The following SBF2 variants were observed in gnomAD, a reference collection of about 807,000 sequenced individuals.
SBF2 encodes myotubularin-related protein 13.
Under a neutral mutation model 225.2 loss-of-function variants are expected in SBF2, and 112 were observed. The observed-to-expected ratio is 0.50, with a 90% CI of 0.43 to 0.58. The LOEUF is 0.58. Among genes scored for constraint, SBF2 ranks in the 20% least tolerant of loss-of-function variants. The pLI is 0.00. For missense variants in SBF2, 1,996 were observed against 2,206.2 expected (o/e 0.90, Z 1.91); for synonymous variants, 763 against 773.3 (o/e 0.99, Z 0.22).
rs530517121 is a variant in SBF2, at chr11:9,783,876, G to A, written c.5319+475C>T. 2.6e-5 allele frequency among the ~76,000 whole-genome samples: 4 copies of A among 152,214 alleles called. No individual in the cohort carries two copies. The South Asian group carries it at 6.2e-4, about 24-fold the overall frequency. ...AGCAGTGGGCACAGAGGTGGTGTTCGATAAATGTTTGTAGAATAAATTAAT... is the reference window on the plus strand; with the variant it reads ...AGCAGTGGGCACAGAGGTGGTGTTCAATAAATGTTTGTAGAATAAATTAAT... On this transcript the variant is annotated intron_variant, in intron 38 of 39. Coordinates refer to ENST00000256190, the MANE Select transcript of SBF2 (RefSeq NM_030962.4).
At chr11:9,802,991 A>G (rs1487442377) in intron 32 of SBF2, among the ~76,000 whole-genome samples, 2 of 152,176 alleles carry the variant, frequency 1.3e-5, no homozygotes, top group Non-Finnish European at 2.9e-5. Context: ...TGAAAGGAGG[A>G]TTCAGGCAAA....
At chr11:10,199,206 G>C (rs75705809) in intron 1 of SBF2, among the ~76,000 whole-genome samples, 2 of 152,300 alleles carry the variant, frequency 1.3e-5, no homozygotes, top group East Asian at 1.9e-4. Flanking sequence ...TCAAGGAATA[G>C]AGAGGCCTGA....
rs1457364719 is a variant in SBF2, at chr11:9,962,223, T to C, written c.1711-117A>G. 10 of 889,890 alleles carry C rather than the reference T, an allele frequency of 1.1e-5. No individual in the cohort carries two copies. The East Asian group carries it at 1.6e-4, about 14-fold the overall frequency. The allele number at this position is 889,890 out of a possible 1,614,324, so 55.1% of individuals were successfully genotyped here. On this transcript the variant is annotated intron_variant, in intron 15 of 39. Transcript: ENST00000256190. ...ATAATTTATTTAACATAGTTATTAG[T>C]AAAATTAAACTCCTAGGGAATAGGT...
chr11:10,277,508 T>C (rs1165442188), intron 1 of SBF2, among the ~76,000 whole-genome samples: 1 of 152,220 alleles, frequency 6.6e-6, no homozygotes, highest in African/African-American at 2.4e-5. Context: ...CTACTATTAT[T>C]ATAATAACTG....
intron 17 of SBF2, among the ~76,000 whole-genome samples, chr11:9,888,808 G>A (rs1288475806): frequency 6.6e-6 from 1 of 152,178 alleles, no homozygotes; most frequent in Non-Finnish European, 1.5e-5. Flanking sequence ...ACAGAATTGA[G>A]TGAGTCCTGT....
intron 26 of SBF2, among the ~76,000 whole-genome samples, chr11:9,834,176 T>A (rs951659686): frequency 9.9e-5 from 15 of 151,070 alleles, no homozygotes; most frequent in African/African-American, 3.7e-4. Context: ...CACTGCAACC[T>A]TCGCCTCCTG....
Position 10,260,527 on chromosome 11 carries a change from T to C in SBF2, c.55+33488A>G, listed in dbSNP as rs957139432. Reference sequence around the variant, plus strand: ...GTCAGGAGATGGAGACCATCCTGGCTAACAGGATGAAACCCCCTCTCTACT... The same window carrying C: ...GTCAGGAGATGGAGACCATCCTGGCCAACAGGATGAAACCCCCTCTCTACT... On this transcript the variant is annotated intron_variant, in intron 1 of 39. Transcript: ENST00000256190. 2.6e-5 allele frequency among the ~76,000 whole-genome samples: 4 copies of C among 151,950 alleles called. No homozygotes were observed. In the East Asian group the frequency reaches 5.8e-4, roughly 22 times the overall value.
At chr11:10,028,308 C>G in intron 6 of SBF2, 144 bp downstream of exon 6, 1 of 634,162 alleles carries the variant, frequency 1.6e-6, no homozygotes, top group South Asian at 1.9e-5. Context: ...TCAGGACCCA[C>G]AAAATTATAT....
chr11:10,214,201 A>C (rs1432610425), intron 1 of SBF2, among the ~76,000 whole-genome samples: 2 of 152,166 alleles, frequency 1.3e-5, no homozygotes, highest in Non-Finnish European at 2.9e-5. Flanking sequence ...TACTCACTAG[A>C]TACCAGTAGC....
chr11:9,980,772 G>C (rs1946922183), intron 13 of SBF2, among the ~76,000 whole-genome samples: 1 of 150,844 alleles, frequency 6.6e-6, no homozygotes. Context: ...TAGAGATGGG[G>C]TTTCACTGTG....
intron 2 of SBF2, among the ~76,000 whole-genome samples, chr11:10,048,403 G>C (rs1255116095): frequency 6.6e-6 from 1 of 152,142 alleles, no homozygotes; most frequent in African/African-American, 2.4e-5. Flanking sequence ...TGTCTTAATA[G>C]GAATCAAAGC....
At chr11:10,042,409 A>G (rs894526462) in intron 3 of SBF2, among the ~76,000 whole-genome samples, 2 of 152,222 alleles carry the variant, frequency 1.3e-5, no homozygotes. Flanking sequence ...GATCATGTTG[A>G]TAATACCACC....
At chr11:9,785,487 C>A in intron 36 of SBF2, 169 bp from the exon 37 acceptor site, 1 of 645,568 alleles carries the variant, frequency 1.5e-6, no homozygotes, top group Non-Finnish European at 2.8e-6. Context: ...AAACTGGAAA[C>A]AACCTACACG....
At chr11:9,806,984 CAT>C (rs1853890826) in intron 32 of SBF2, among the ~76,000 whole-genome samples, 1 of 152,140 alleles carries the variant, frequency 6.6e-6, no homozygotes, top group Non-Finnish European at 1.5e-5. Context: ...CAAAATAAAA[CAT>C]AACCACATAC....
In SBF2 at chr11:9,795,882, T is replaced by C. The variant is rs1853092027; in HGVS notation, c.4519A>G (p.Asn1507Asp). 1 of 1,613,638 alleles carries C rather than the reference T, an allele frequency of 6.2e-7. No individual in the cohort carries two copies. Among genetic ancestry groups the C allele is most frequent in the African/African-American group, 1.3e-5 (1 of 74,940 alleles). The change falls in exon 33 of 40, where the codon AAT becomes GAT. Residue 1507 changes from asparagine to aspartate, a missense_variant. Transcript: ENST00000256190. ...LKFLAFHYVS[N>D]RFKTFLLDSD... ...TCCAGGAGAAATGTTTTAAAGCGAT[T>C]AGACACATAGTGGAAAGCCAAGAAC...
At chr11:10,082,772 A>T (rs1274006502) in intron 2 of SBF2, among the ~76,000 whole-genome samples, 1 of 152,202 alleles carries the variant, frequency 6.6e-6, no homozygotes, top group Non-Finnish European at 1.5e-5. Context: ...ACCCACAGTC[A>T]ACATCATACT....
At chr11:10,171,974 C>T (rs7105045) in intron 2 of SBF2, among the ~76,000 whole-genome samples, 26,751 of 152,026 alleles carry the variant, frequency 0.18, 2,566 homozygotes, top group Middle Eastern at 0.25. Context: ...TGAATATCTG[C>T]AGTATCAGTT....
chr11:9,968,204 G>A lies in SBF2; in HGVS notation c.1600+137C>T, dbSNP rs979937189. 4 of 756,128 alleles carry A rather than the reference G, an allele frequency of 5.3e-6. No homozygotes were observed. In the African/African-American group the frequency reaches 7.0e-5, roughly 13 times the overall value. 46.8% of individuals were successfully genotyped at this position (756,128 alleles called of 1,614,324 possible). A position where few individuals can be genotyped will look rare whatever the true frequency, so the allele number is the denominator to read the frequency against. On this transcript the variant is annotated intron_variant, in intron 14 of 39. Coordinates refer to ENST00000256190, the MANE Select transcript of SBF2 (RefSeq NM_030962.4). ...GGAGGCAGTGAATGAAACAGTTTCT[G>A]AGTATTGATAATGCTCTGATTCTAG... is the stretch of plus-strand genomic sequence containing the variant.
chr11:9,825,478 TACAACG>T (rs1855010471), intron 28 of SBF2, among the ~76,000 whole-genome samples: 2 of 152,146 alleles, frequency 1.3e-5, no homozygotes, highest in East Asian at 3.9e-4. Flanking sequence ...AGGAAACCAA[TACAACG>T]ACTTCAAGGC....
Sources: gnomAD v4.1 joint callset for allele counts (sites outside exome capture counted in the v4.1 genomes callset) on GRCh38, gnomAD v4.1.1 for gene constraint, MANE v1.5 for transcripts, NCBI Gene and HGNC (gene_info 2026-07-23, HGNC 2026-07-21) for gene names.